NUDCD1: variants seen among roughly 807,000 people sequenced by gnomAD.
The protein encoded by NUDCD1 is nudC domain-containing protein 1.
NUDCD1 carries 60 observed loss-of-function variants against 67.8 expected under a neutral mutation model. That is an observed-to-expected ratio of 0.88 (90% CI 0.72 to 1.10). NUDCD1 has a LOEUF of 1.10. Among genes scored for constraint, NUDCD1 ranks in the 50% least tolerant of loss-of-function variants. NUDCD1 has a pLI of 0.00. For synonymous variants in NUDCD1, 244 were observed against 230.8 expected (o/e 1.06, Z -0.52); for missense variants, 643 against 695.0 (o/e 0.93, Z 0.84).
At chr8:109,254,515 T>C (rs1326267440) in intron 8 of NUDCD1, among the ~76,000 whole-genome samples, 1 of 152,178 alleles carries the variant, frequency 6.6e-6, no homozygotes, top group Non-Finnish European at 1.5e-5. Context: ...AAACCAACTC[T>C]AAACTCCATA....
At position 109,280,037 on chromosome 8, in the gene NUDCD1, TATTA is replaced by T. The variant is rs1366942812; in HGVS notation, c.1028+927_1028+930del. On this transcript the variant is annotated intron_variant, in intron 6 of 9. Transcript: ENST00000239690. ...AAAATTACTACAATTTACAAAGAAA[TATTA>T]ATTATTCCACTTTTAGAAATTTATC... is the stretch of plus-strand genomic sequence containing the variant. Among the ~76,000 whole-genome samples, 9 of 152,214 alleles carry T rather than the reference TATTA, an allele frequency of 5.9e-5. No homozygotes were observed. The East Asian group carries it at 9.6e-4, about 16-fold the overall frequency.
At chr8:109,327,394 C>T (rs1056963263) in intron 1 of NUDCD1, among the ~76,000 whole-genome samples, 24 of 152,078 alleles carry the variant, frequency 1.6e-4, no homozygotes, top group African/African-American at 5.6e-4. Context: ...CCTCCCTTTA[C>T]TCTAACTGTA....
At chr8:109,246,920 G>C (rs1252100226) in intron 8 of NUDCD1, among the ~76,000 whole-genome samples, 1 of 152,136 alleles carries the variant, frequency 6.6e-6, no homozygotes, top group Admixed American at 6.5e-5. Context: ...GTAAAGCTGT[G>C]ACAACACAGG....
At chr8:109,264,301 G>C (rs1223668795) in intron 8 of NUDCD1, among the ~76,000 whole-genome samples, 1 of 152,102 alleles carries the variant, frequency 6.6e-6, no homozygotes, top group Non-Finnish European at 1.5e-5. Context: ...AGTATTTGTT[G>C]CCAAAGATAA....
chr8:109,302,927 G>A (rs79409251), intron 2 of NUDCD1, among the ~76,000 whole-genome samples: 11,524 of 152,136 alleles, frequency 0.076, 669 homozygotes, highest in South Asian at 0.22. Flanking sequence ...AAATGACCTC[G>A]CTTTCAAGAT....
chr8:109,255,537 A>G (rs906052568), intron 8 of NUDCD1, among the ~76,000 whole-genome samples: 1 of 151,960 alleles, frequency 6.6e-6, no homozygotes, highest in Admixed American at 6.6e-5. Context: ...CTTTTTTTTC[A>G]TTTTTTGAAA....
chr8:109,324,665 G>A (rs952542336), intron 1 of NUDCD1, among the ~76,000 whole-genome samples: 1 of 152,114 alleles, frequency 6.6e-6, no homozygotes, highest in East Asian at 1.9e-4. Context: ...AACCTAAGTG[G>A]CCAAAGGATG....
At chr8:109,313,932 C>T (rs1170841220) in intron 2 of NUDCD1, 2 of 476,796 alleles carry the variant, frequency 4.2e-6, no homozygotes, top group East Asian at 7.0e-5. Context: ...AAAGGAAACA[C>T]ATAGTGGCTC....
At position 109,330,077 on chromosome 8, in the gene NUDCD1, T is replaced by C. The variant is rs1024998959; in HGVS notation, c.118+3816A>G. On this transcript the variant is annotated intron_variant, in intron 1 of 9. Transcript: ENST00000239690. ...AGGTGAAATATAGCTGGGAAACATA[T>C]AAAAACATATAAAAAGACTTGTACT... The C allele has an allele frequency of 7.9e-6, 3 of 378,160 alleles. No individual in the cohort carries two copies. The Admixed American group carries it at 1.4e-4, about 18-fold the overall frequency. The allele number at this position is 378,160 out of a possible 1,614,324, so 23.4% of individuals were successfully genotyped here.
At chr8:109,325,348 G>A (rs1241162377) in intron 1 of NUDCD1, among the ~76,000 whole-genome samples, 1 of 152,192 alleles carries the variant, frequency 6.6e-6, no homozygotes, top group East Asian at 1.9e-4. Context: ...AAAATAGCTA[G>A]AAGATTTCAA....
intron 2 of NUDCD1, 129 bp downstream of exon 2, chr8:109,322,180 T>C (rs530087542): frequency 1.9e-5 from 9 of 483,326 alleles, no homozygotes; most frequent in African/African-American, 1.5e-4. Flanking sequence ...ATTACGTAGA[T>C]AGGATTCCAT....
chr8:109,253,791 G>T (rs931766999), intron 8 of NUDCD1, among the ~76,000 whole-genome samples: 2 of 152,092 alleles, frequency 1.3e-5, no homozygotes, highest in African/African-American at 4.8e-5. Context: ...TAAAAAGCAC[G>T]ATTAAAGTAT....
intron 8 of NUDCD1, among the ~76,000 whole-genome samples, chr8:109,257,394 C>A (rs752107633): frequency 6.6e-6 from 1 of 151,902 alleles, no homozygotes; most frequent in Non-Finnish European, 1.5e-5. Context: ...TACAAAATAT[C>A]GGGATTAAAT....
intron 5 of NUDCD1, among the ~76,000 whole-genome samples, chr8:109,281,642 A>C (rs971755283): frequency 7.9e-5 from 12 of 152,184 alleles, no homozygotes; most frequent in Non-Finnish European, 1.3e-4. Flanking sequence ...AATCACATGC[A>C]CTTTTAGTAT....
Position 109,242,989 on chromosome 8 carries a change from A to T in NUDCD1, c.*20T>A. The T allele has an allele frequency of 8.6e-6, 13 of 1,512,138 alleles. No homozygotes were observed. The highest frequency in any genetic ancestry group is 1.2e-5 in the Non-Finnish European group (13 of 1,096,638). 93.7% of individuals were successfully genotyped at this position (1,512,138 alleles called of 1,614,324 possible). A position where few individuals can be genotyped will look rare whatever the true frequency, so the allele number is the denominator to read the frequency against. On this transcript the variant is annotated 3_prime_UTR_variant, in exon 10 of 10. Transcript: ENST00000239690. Reference sequence around the variant, plus strand: ...CACTGAATACTTTTCCAGTACAAAGAGGCCAATATGTTAGAATAATTAATT... The same window carrying T: ...CACTGAATACTTTTCCAGTACAAAGTGGCCAATATGTTAGAATAATTAATT...
intron 5 of NUDCD1, among the ~76,000 whole-genome samples, chr8:109,286,547 A>G (rs996509403): frequency 6.6e-6 from 1 of 152,156 alleles, no homozygotes; most frequent in African/African-American, 2.4e-5. Context: ...TCCCTATTCA[A>G]TAAGGGTGCT....
chr8:109,287,708 G>A (rs185540779), intron 5 of NUDCD1, among the ~76,000 whole-genome samples: 6 of 152,208 alleles, frequency 3.9e-5, no homozygotes, highest in African/African-American at 4.8e-5. Context: ...AGGATCATTC[G>A]TACTCCAAAT....
At chr8:109,284,853 C>G (rs1277804723) in intron 5 of NUDCD1, among the ~76,000 whole-genome samples, 2 of 150,532 alleles carry the variant, frequency 1.3e-5, no homozygotes, top group South Asian at 2.1e-4. Flanking sequence ...CCCAAATATG[C>G]AAACAATGAA....
At chr8:109,301,530 C>T (rs952071888) in intron 2 of NUDCD1, among the ~76,000 whole-genome samples, 6 of 152,228 alleles carry the variant, frequency 3.9e-5, no homozygotes, top group Non-Finnish European at 5.9e-5. Flanking sequence ...AGGAGGACTC[C>T]TTTGGGAGAC....
Sources: gnomAD v4.1 joint callset for allele counts (sites outside exome capture counted in the v4.1 genomes callset) on GRCh38, gnomAD v4.1.1 for gene constraint, MANE v1.5 for transcripts, NCBI Gene and HGNC (gene_info 2026-07-23, HGNC 2026-07-21) for gene names.